Variants in GON4L observed in about 807,000 individuals in gnomAD.
GON4L encodes the protein gon-4 like.
Under a neutral mutation model 211.8 loss-of-function variants are expected in GON4L, and 87 were observed. The observed-to-expected ratio is 0.41, with a 90% CI of 0.35 to 0.49. The LOEUF (loss-of-function observed/expected upper bound fraction) is 0.49. GON4L is among the 20% of genes least tolerant of loss of function. The pLI is 0.15. For synonymous variants in GON4L, 875 were observed against 962.6 expected (o/e 0.91, Z 1.68); for missense variants, 2,155 against 2,659.5 (o/e 0.81, Z 4.17).
At chr1:155,755,067 A>ATT (rs1231154456) in intron 27 of GON4L, among the ~76,000 whole-genome samples, 70 of 125,092 alleles carry the variant, frequency 5.6e-4, no homozygotes, top group African/African-American at 1.8e-3. Flanking sequence ...CGCCTAGCTA[A>ATT]TTTTTTTTTT....
intron 6 of GON4L, among the ~76,000 whole-genome samples, chr1:155,819,073 T>C (rs2102233745): frequency 6.6e-6 from 1 of 152,158 alleles, no homozygotes; most frequent in South Asian, 2.1e-4. Flanking sequence ...GCAGATGATT[T>C]GAGGTCAGGA....
chr1:155,803,230 TC>T (rs368980797), intron 11 of GON4L, among the ~76,000 whole-genome samples: 29 of 151,972 alleles, frequency 1.9e-4, no homozygotes, highest in African/African-American at 5.3e-4. Context: ...AGCCATTTAC[TC>T]AGTCTATTTC....
At chr1:155,845,421 T>C (rs1172101583) in intron 2 of GON4L, 5 of 340,914 alleles carry the variant, frequency 1.5e-5, no homozygotes, top group Non-Finnish European at 3.0e-5. Flanking sequence ...CCCCAGGTAC[T>C]GCTCAATGTG....
intron 15 of GON4L, 101 bp from the exon 16 acceptor site, chr1:155,776,582 T>G: frequency 2.2e-6 from 2 of 925,672 alleles, no homozygotes; most frequent in South Asian, 2.7e-5. Context: ...AAAGGATCTC[T>G]CTCTGTCACT....
At chr1:155,842,281 T>C (rs1670837592) in intron 2 of GON4L, among the ~76,000 whole-genome samples, 1 of 151,978 alleles carries the variant, frequency 6.6e-6, no homozygotes. Context: ...TCCCAGCACT[T>C]TGGGAGGCCA....
intron 2 of GON4L, among the ~76,000 whole-genome samples, chr1:155,843,716 G>A (rs2102431069): frequency 6.6e-6 from 1 of 152,268 alleles, no homozygotes; most frequent in South Asian, 2.1e-4. Context: ...ATACATGCAA[G>A]GGAGAAACGA....
Position 155,773,057 on chromosome 1 carries a change from AAC to A in GON4L, c.2495+7_2495+8del. 6.2e-7 allele frequency: 1 copy of A among 1,611,876 alleles called. No individual in the cohort carries two copies. The highest frequency in any genetic ancestry group is 2.2e-5 in the East Asian group (1 of 44,866). ...TCTGCTGTTTTGATCCCCCAGAGTAAACACTTACTTGTCCTCAGCCTTGGTGA... is the reference window on the plus strand; with the variant it reads ...TCTGCTGTTTTGATCCCCCAGAGTAAACTTACTTGTCCTCAGCCTTGGTGA... On this transcript the variant is annotated splice_region_variant and intron_variant, in intron 18 of 31. Coordinates refer to ENST00000368331, the MANE Select transcript of GON4L (RefSeq NM_001282860.2).
rs368736477 is a variant in GON4L at position 155,760,647 on chromosome 1, C to T, written c.4912-6G>A. ...TGTTGTAGGGCTTCTCGCACCTACA[C>T]GGGAAGACTTTCAATCATCAACACC... On this transcript the variant is annotated splice_region_variant and splice_polypyrimidine_tract_variant and intron_variant, in intron 23 of 31. Transcript: ENST00000368331. 14 of 1,595,416 alleles carry T rather than the reference C, an allele frequency of 8.8e-6. No individual in the cohort carries two copies. The highest frequency in any genetic ancestry group is 4.4e-5 in the South Asian group (4 of 90,634).
At chr1:155,761,846 T>C (rs1338080900) in intron 23 of GON4L, among the ~76,000 whole-genome samples, 1 of 152,144 alleles carries the variant, frequency 6.6e-6, no homozygotes, top group Non-Finnish European at 1.5e-5. Context: ...TGCTGGCCAG[T>C]GTACCCACTA....
At chr1:155,783,892 T>G (rs1664664681) in intron 14 of GON4L, 94 bp downstream of exon 14, 2 of 1,565,648 alleles carry the variant, frequency 1.3e-6, no homozygotes, top group Non-Finnish European at 1.7e-6. Flanking sequence ...AGAAGCTGGT[T>G]TGGGATGAAA....
chr1:155,821,594 C>G, intron 4 of GON4L, 46 bp from the exon 5 acceptor site: 1 of 1,034,762 alleles, frequency 9.7e-7, no homozygotes. Flanking sequence ...GGTTTGTCAC[C>G]TAGACAATAC....
downstream of GON4L, among the ~76,000 whole-genome samples, chr1:155,745,628 G>C (rs1277267637): frequency 2.0e-5 from 3 of 152,068 alleles, no homozygotes; most frequent in Non-Finnish European, 4.4e-5. Context: ...CGCCTCTCGC[G>C]GCAACCACAG....
At chr1:155,757,775 C>T in intron 25 of GON4L, 116 bp downstream of exon 25, 1 of 152,328 alleles carries the variant, frequency 6.6e-6, no homozygotes, top group South Asian at 1.2e-4. Flanking sequence ...TCATCTCCTC[C>T]AGGAAGCCCA....
chr1:155,814,267 T>C lies in GON4L; in HGVS notation c.1281+63A>G, dbSNP rs934416874. On this transcript the variant is annotated intron_variant, in intron 9 of 31. Coordinates refer to ENST00000368331, the MANE Select transcript of GON4L (RefSeq NM_001282860.2). ...TCACCATGGATAAATAATCTACTTA[T>C]ACAGTTAAAAAATCTACTTAGACAG... is the stretch of plus-strand genomic sequence containing the variant. 1.2e-5 allele frequency: 18 copies of C among 1,444,934 alleles called. No individual in the cohort carries two copies. The African/African-American group carries it at 1.4e-4, about 11-fold the overall frequency. The allele number at this position is 1,444,934 out of a possible 1,614,324, so 89.5% of individuals were successfully genotyped here. A position where few individuals can be genotyped will look rare whatever the true frequency, so the allele number is the denominator to read the frequency against.
At chr1:155,851,340 C>T (rs112398734) in intron 2 of GON4L, among the ~76,000 whole-genome samples, 6,211 of 151,254 alleles carry the variant, frequency 0.041, 150 homozygotes, top group Non-Finnish European at 0.048. Flanking sequence ...GGCGACAGAG[C>T]CAGACTACGT....
intron 2 of GON4L, among the ~76,000 whole-genome samples, chr1:155,838,635 C>T (rs1383816832): frequency 6.6e-6 from 1 of 151,838 alleles, no homozygotes; most frequent in Non-Finnish European, 1.5e-5. Context: ...ATTAGCCAGG[C>T]GTGGTGGTGC....
intron 27 of GON4L, 161 bp downstream of exon 27, chr1:155,756,797 C>T (rs1043792790): frequency 1.0e-5 from 6 of 598,578 alleles, no homozygotes; most frequent in South Asian, 6.0e-5. Flanking sequence ...TGGTGGCTGG[C>T]GCCTGTCTGT....
chr1:155,844,058 A>C (rs902784005), intron 2 of GON4L, among the ~76,000 whole-genome samples: 8 of 152,204 alleles, frequency 5.3e-5, no homozygotes, highest in African/African-American at 1.9e-4. Flanking sequence ...ACCCCATAAA[A>C]TCTAGAAAAA....
intron 21 of GON4L, chr1:155,764,345 C>T (rs939732485): frequency 4.4e-5 from 7 of 160,648 alleles, no homozygotes; most frequent in East Asian, 1.8e-4. Context: ...TTTGAACTCC[C>T]GACCTCAGGT....
Sources: allele counts gnomAD v4.1 joint callset (sites outside exome capture counted in the v4.1 genomes callset), GRCh38; gene constraint gnomAD v4.1.1; transcripts MANE v1.5; gene names NCBI Gene and HGNC (gene_info 2026-07-23, HGNC 2026-07-21).